NRG1: variants seen among roughly 807,000 people sequenced by gnomAD.
NRG1 encodes the protein neuregulin 1.
In NRG1, 18 loss-of-function variants were observed where a neutral mutation model predicts 63.8. The observed-to-expected ratio is 0.28, with a 90% CI of 0.19 to 0.42. NRG1 has a LOEUF of 0.42. Among genes scored for constraint, NRG1 ranks in the 10% least tolerant of loss-of-function variants. NRG1 has a pLI of 1.00. For missense variants in NRG1, 762 were observed against 814.7 expected (o/e 0.94, Z 0.79); for synonymous variants, 302 against 301.3 (o/e 1.00, Z -0.02).
intron 1 of NRG1, among the ~76,000 whole-genome samples, chr8:32,343,880 A>G (rs1199905882): frequency 5.3e-5 from 8 of 152,218 alleles, no homozygotes; most frequent in Non-Finnish European, 1.2e-4. Context: ...CAGATTCTGT[A>G]AGATGTGATT....
At chr8:32,433,392 A>G (rs1397789947) in intron 1 of NRG1, among the ~76,000 whole-genome samples, 1 of 152,180 alleles carries the variant, frequency 6.6e-6, no homozygotes, top group Non-Finnish European at 1.5e-5. Flanking sequence ...GTCCAGTAGC[A>G]GATCTGTGGA....
chr8:32,254,394 G>T (rs187453859), intron 1 of NRG1, among the ~76,000 whole-genome samples: 2 of 152,222 alleles, frequency 1.3e-5, no homozygotes, highest in South Asian at 2.1e-4. Context: ...GTTCTCATTG[G>T]TTTCAAAGAA....
At chr8:31,719,745 T>C (rs1022731943) in intron 1 of NRG1, among the ~76,000 whole-genome samples, 2 of 152,288 alleles carry the variant, frequency 1.3e-5, no homozygotes, top group Admixed American at 6.5e-5. Context: ...GGATGAGCCA[T>C]AGTCATGCAT....
chr8:32,586,102 T>C (rs2129533911), intron 1 of NRG1, among the ~76,000 whole-genome samples: 1 of 139,162 alleles, frequency 7.2e-6, no homozygotes, highest in Non-Finnish European at 1.6e-5. Context: ...GCCTGGCACA[T>C]AGTAGGTACT....
intron 1 of NRG1, among the ~76,000 whole-genome samples, chr8:32,206,460 T>A (rs1844076247): frequency 6.6e-6 from 1 of 152,180 alleles, no homozygotes; most frequent in African/African-American, 2.4e-5. Flanking sequence ...TTCTCAAAAT[T>A]TGTTTAAAGG....
chr8:32,333,844 T>A (rs115778548), intron 1 of NRG1, among the ~76,000 whole-genome samples: 1 of 152,172 alleles, frequency 6.6e-6, no homozygotes, highest in African/African-American at 2.4e-5. Context: ...ATAAAAAAAC[T>A]AAACTACTTC....
At chr8:32,315,843 A>T (rs961572320) in intron 1 of NRG1, among the ~76,000 whole-genome samples, 1 of 152,206 alleles carries the variant, frequency 6.6e-6, no homozygotes, top group Non-Finnish European at 1.5e-5. Flanking sequence ...ACACATACGA[A>T]ACAATTAATG....
chr8:32,275,117 G>A (rs1470511884), intron 1 of NRG1, among the ~76,000 whole-genome samples: 3 of 152,052 alleles, frequency 2.0e-5, no homozygotes, highest in Non-Finnish European at 4.4e-5. Context: ...ACATTGAACA[G>A]AGGCAGCCAA....
intron 1 of NRG1, among the ~76,000 whole-genome samples, chr8:31,937,260 C>G (rs1801050483): frequency 6.6e-6 from 1 of 152,134 alleles, no homozygotes; most frequent in Non-Finnish European, 1.5e-5. Flanking sequence ...ATGATGAGCA[C>G]TTTGCTCTTT....
intron 1 of NRG1, among the ~76,000 whole-genome samples, chr8:32,014,489 C>G (rs932176413): frequency 6.6e-6 from 1 of 152,024 alleles, no homozygotes; most frequent in Non-Finnish European, 1.5e-5. Context: ...AATGCTTGAT[C>G]TGGTAAGCCA....
At chr8:31,831,197 G>A (rs1247853156) in intron 1 of NRG1, among the ~76,000 whole-genome samples, 1 of 151,802 alleles carries the variant, frequency 6.6e-6, no homozygotes, top group Non-Finnish European at 1.5e-5. Flanking sequence ...CGCCTCCTGA[G>A]TTCAAGTGAT....
At chr8:31,649,009 A>G (rs967508980) in intron 1 of NRG1, among the ~76,000 whole-genome samples, 4 of 147,952 alleles carry the variant, frequency 2.7e-5, no homozygotes, top group Admixed American at 1.4e-4. Flanking sequence ...CCCAGGCTGG[A>G]GTGCAGTGGC....
intron 1 of NRG1, among the ~76,000 whole-genome samples, chr8:32,154,858 G>C (rs894821673): frequency 8.5e-5 from 13 of 152,126 alleles, no homozygotes; most frequent in Non-Finnish European, 1.5e-4. Flanking sequence ...AAGGATACTT[G>C]GATGTTGGGG....
intron 1 of NRG1, among the ~76,000 whole-genome samples, chr8:31,748,658 T>C (rs1816139424): frequency 6.6e-6 from 1 of 151,966 alleles, no homozygotes; most frequent in African/African-American, 2.4e-5. Context: ...AAGGTCCTTT[T>C]TTCTTATGCA....
chr8:32,172,095 C>G (rs76702246), intron 1 of NRG1, among the ~76,000 whole-genome samples: 3 of 152,306 alleles, frequency 2.0e-5, no homozygotes, highest in African/African-American at 7.2e-5. Flanking sequence ...GAGGCACCCC[C>G]CAGTAGGGGC....
rs1221874001 is a variant in NRG1 at position 32,648,002 on chromosome 8, C to G, written c.502+31117C>G. The G allele has an allele frequency of 3.1e-6, 5 of 1,614,052 alleles. No individual in the cohort carries two copies. In the East Asian group the frequency reaches 1.1e-4, roughly 36 times the overall value. ...GCCTCTGCCTCTGCATCGCCGGCCT[C>G]AAGTGGGTATTTGTGGACAAGATCT... On this transcript the variant is annotated intron_variant, in intron 5 of 11. Transcript: ENST00000356819.
intron 1 of NRG1, among the ~76,000 whole-genome samples, chr8:32,421,227 A>G (rs1816666745): frequency 6.6e-6 from 1 of 152,072 alleles, no homozygotes; most frequent in East Asian, 1.9e-4. Context: ...AGACCCCAAG[A>G]TTGAGAGAGA....
intron 1 of NRG1, among the ~76,000 whole-genome samples, chr8:31,778,008 G>A (rs1819315552): frequency 6.6e-6 from 1 of 152,138 alleles, no homozygotes; most frequent in Non-Finnish European, 1.5e-5. Context: ...CCCCATAAAT[G>A]GTTAAACTCC....
At chr8:31,923,343 G>GCA (rs975261808) in intron 1 of NRG1, among the ~76,000 whole-genome samples, 7 of 151,926 alleles carry the variant, frequency 4.6e-5, no homozygotes, top group Non-Finnish European at 1.0e-4. Flanking sequence ...GAAAAAATAT[G>GCA]CACACACACA....
Sources: allele counts gnomAD v4.1 joint callset (sites outside exome capture counted in the v4.1 genomes callset), GRCh38; gene constraint gnomAD v4.1.1; transcripts MANE v1.5; gene names NCBI Gene and HGNC (gene_info 2026-07-23, HGNC 2026-07-21).